BFAR: variants seen among roughly 807,000 people sequenced by gnomAD.
BFAR encodes bifunctional apoptosis regulator, also known as RING finger protein 47.
BFAR carries 52 observed loss-of-function variants against 54.4 expected under a neutral mutation model. That is an observed-to-expected ratio of 0.96 (90% CI 0.77 to 1.21). The LOEUF is 1.21. Among genes scored for constraint, BFAR ranks in the 50% most tolerant of loss-of-function variants. BFAR has a pLI of 0.00. For synonymous variants in BFAR, 215 were observed against 204.3 expected, an observed-to-expected ratio of 1.05 and a Z score of -0.45; for missense variants, 571 against 534.0, an observed-to-expected ratio of 1.07 and a Z score of -0.68.
intron 1 of BFAR, among the ~76,000 whole-genome samples, chr16:14,637,412 C>T (rs902973111): frequency 3.9e-5 from 6 of 151,998 alleles, no homozygotes; most frequent in African/African-American, 9.7e-5. Flanking sequence ...AGGGACCAGA[C>T]CATGATTTAA....
intron 7 of BFAR, among the ~76,000 whole-genome samples, chr16:14,666,822 G>A (rs985925657): frequency 2.3e-4 from 35 of 152,072 alleles, no homozygotes; most frequent in African/African-American, 7.7e-4. Flanking sequence ...TGCCCCTACT[G>A]TACTCCTGGT....
rs559070514 is a variant in BFAR, at chr16:14,668,432, C to A, written c.*605C>A. 1.3e-5 allele frequency: 2 copies of A among 152,818 alleles called. No homozygotes were observed. Among genetic ancestry groups the A allele is most frequent in the South Asian group, 4.1e-4 (2 of 4,850 alleles). The allele number at this position is 152,818 out of a possible 1,614,324, so 9.5% of individuals were successfully genotyped here. On this transcript the variant is annotated 3_prime_UTR_variant, in exon 8 of 8. Transcript: ENST00000261658. ...GTTTGAGCCTAGAATGATGGTTAGACTTGTAGTCACTGGGCTTTTGTTTTG... is the reference window on the plus strand; with the variant it reads ...GTTTGAGCCTAGAATGATGGTTAGAATTGTAGTCACTGGGCTTTTGTTTTG...
At chr16:14,644,781 A>G (rs899148699) in intron 2 of BFAR, among the ~76,000 whole-genome samples, 172 bp downstream of exon 2, 4 of 151,004 alleles carry the variant, frequency 2.6e-5, no homozygotes, top group Non-Finnish European at 5.9e-5. Flanking sequence ...TGCTGGGATT[A>G]TAGGTGTGAG....
At chr16:14,646,487 C>T (rs1959800218) in intron 2 of BFAR, among the ~76,000 whole-genome samples, 1 of 151,486 alleles carries the variant, frequency 6.6e-6, no homozygotes, top group African/African-American at 2.4e-5. Flanking sequence ...TGTGCCTGGC[C>T]AAATGCCCAG....
At position 14,649,798 on chromosome 16, in the gene BFAR, C is replaced by G; in HGVS notation, c.469-6C>G. 1 of 1,587,312 alleles carries G rather than the reference C, an allele frequency of 6.3e-7. No individual in the cohort carries two copies. Among genetic ancestry groups the G allele is most frequent in the African/African-American group, 1.3e-5 (1 of 74,264 alleles). On this transcript the variant is annotated splice_region_variant and splice_polypyrimidine_tract_variant and intron_variant, in intron 3 of 7. Transcript: ENST00000261658. ...ATGGTTTAAAGTCCCTGTCACTTTT[C>G]CCCAGGTGGTCCTGCTCGTCTATCA... is the stretch of plus-strand genomic sequence containing the variant.
At chr16:14,640,551 A>G (rs926282113) in intron 1 of BFAR, among the ~76,000 whole-genome samples, 4 of 151,990 alleles carry the variant, frequency 2.6e-5, no homozygotes, top group African/African-American at 9.7e-5. Context: ...TTTAACTTAG[A>G]AAAGGGAGAA....
intron 6 of BFAR, 144 bp from the exon 7 acceptor site, chr16:14,664,725 C>A: frequency 1.3e-6 from 1 of 759,772 alleles, no homozygotes; most frequent in Non-Finnish European, 2.2e-6. Flanking sequence ...GTCTTGAACT[C>A]CTTACCTCAG....
chr16:14,660,787 G>T (rs1400058222), intron 5 of BFAR, among the ~76,000 whole-genome samples: 1 of 151,806 alleles, frequency 6.6e-6, no homozygotes, highest in Non-Finnish European at 1.5e-5. Flanking sequence ...TGTAATCCCA[G>T]CTACTTGGGA....
At chr16:14,636,562 A>T (rs1959449241) in intron 1 of BFAR, among the ~76,000 whole-genome samples, 2 of 152,228 alleles carry the variant, frequency 1.3e-5, no homozygotes, top group Non-Finnish European at 1.5e-5. Context: ...TGGAACATAC[A>T]ATCGGGTTTT....
Position 14,644,447 on chromosome 16 carries a change from G to A in BFAR, c.101G>A (p.Cys34Tyr), listed in dbSNP as rs537276007. Residue 34 changes from cysteine to tyrosine, a missense_variant, in exon 2 of 8, where the codon TGC becomes TAC. Coordinates refer to ENST00000261658, the MANE Select transcript of BFAR (RefSeq NM_016561.3). ...GPQISVSEFS[C>Y]HCCYDILVNP... is the part of the protein sequence containing the mutation. ...CAGATTTCTGTTAGTGAATTTTCTT[G>A]CCACTGCTGCTACGACATCCTGGTT... 4 of 1,613,996 alleles carry A rather than the reference G, an allele frequency of 2.5e-6. No individual in the cohort carries two copies. The South Asian group carries it at 4.4e-5, about 18-fold the overall frequency.
In BFAR at chr16:14,652,764, CAT is replaced by C. The variant is rs766911574; in HGVS notation, c.639-2301_639-2300del. 3.9e-5 allele frequency among the ~76,000 whole-genome samples: 6 copies of C among 152,092 alleles called. No homozygotes were observed. The South Asian group carries it at 8.3e-4, about 21-fold the overall frequency. On this transcript the variant is annotated intron_variant, in intron 4 of 7. Coordinates refer to ENST00000261658, the MANE Select transcript of BFAR (RefSeq NM_016561.3). ...TGAAAATATGATTGTACTAAACAGA[CAT>C]GTGTTTGTATGTATACATGTATATA...
chr16:14,637,945 C>T (rs1306330910), intron 1 of BFAR, among the ~76,000 whole-genome samples: 4 of 149,414 alleles, frequency 2.7e-5, no homozygotes, highest in African/African-American at 9.9e-5. Context: ...TCAGTTTGTA[C>T]CCTGGAAAAA....
At chr16:14,657,969 C>T (rs573616690) in intron 5 of BFAR, among the ~76,000 whole-genome samples, 2 of 152,318 alleles carry the variant, frequency 1.3e-5, no homozygotes, top group South Asian at 4.1e-4. Flanking sequence ...AATCCTCCCA[C>T]CTCAACCTCC....
intron 1 of BFAR, among the ~76,000 whole-genome samples, chr16:14,637,351 T>A (rs894487871): frequency 6.6e-6 from 1 of 151,408 alleles, no homozygotes; most frequent in Non-Finnish European, 1.5e-5. Context: ...AGGCTTTAAG[T>A]CAGACCATGA....
At chr16:14,657,889 A>T (rs1389215094) in intron 5 of BFAR, among the ~76,000 whole-genome samples, 2 of 151,824 alleles carry the variant, frequency 1.3e-5, no homozygotes, top group East Asian at 3.9e-4. Context: ...TTAATCTCTT[A>T]AAAAAAAATT....
intron 1 of BFAR, among the ~76,000 whole-genome samples, chr16:14,637,856 T>C (rs1478734992): frequency 1.3e-5 from 2 of 151,970 alleles, no homozygotes; most frequent in Non-Finnish European, 2.9e-5. Flanking sequence ...CATTTTTTTT[T>C]CCTGCAATGT....
chr16:14,637,966 A>G (rs1235883217), intron 1 of BFAR, among the ~76,000 whole-genome samples: 1 of 152,034 alleles, frequency 6.6e-6, no homozygotes. Flanking sequence ...TAAGGTGATA[A>G]ATACAGGCAA....
At position 14,668,050 on chromosome 16, in the gene BFAR, C is replaced by A; in HGVS notation, c.*223C>A. The A allele has an allele frequency of 1.8e-6, 1 of 551,530 alleles. No individual in the cohort carries two copies. Among genetic ancestry groups the A allele is most frequent in the Non-Finnish European group, 3.2e-6 (1 of 313,196 alleles). 34.2% of individuals were successfully genotyped at this position (551,530 alleles called of 1,614,324 possible). A position where few individuals can be genotyped will look rare whatever the true frequency, so the allele number is the denominator to read the frequency against. On this transcript the variant is annotated 3_prime_UTR_variant, in exon 8 of 8. Transcript: ENST00000261658. ...GGGAGGATTGTCTGTTTGGCTGACA[C>A]AGCAGCAGCCCTTCCCACCCAGCCA...
At chr16:14,633,146 G>A (rs1959309971) in intron 1 of BFAR, 128 bp downstream of exon 1, 1 of 152,324 alleles carries the variant, frequency 6.6e-6, no homozygotes, top group African/African-American at 2.4e-5. Context: ...AGGCGCGCGG[G>A]GCCTCTCCTC....
Sources: gnomAD v4.1 joint callset for allele counts (sites outside exome capture counted in the v4.1 genomes callset) on GRCh38, gnomAD v4.1.1 for gene constraint, MANE v1.5 for transcripts, NCBI Gene and HGNC (gene_info 2026-07-23, HGNC 2026-07-21) for gene names.